The following APLF variants were observed in gnomAD, a reference collection of about 807,000 sequenced individuals.
APLF encodes the protein aprataxin and PNK-like factor.
In APLF, 61 loss-of-function variants were observed where a neutral mutation model predicts 55.6. That is an observed-to-expected ratio of 1.10 (90% confidence interval 0.89 to 1.36). The LOEUF (loss-of-function observed/expected upper bound fraction) is 1.36, where lower values mean the gene tolerates loss of function less well. APLF is among the 40% of genes most tolerant of loss of function. The probability of loss-of-function intolerance (pLI) is 0.00; values close to 1 mark genes in which losing one functional copy is unlikely to be tolerated. For missense variants in APLF, 611 were observed against 602.5 expected (o/e 1.01, Z -0.15); for synonymous variants, 207 against 214.8 (o/e 0.96, Z 0.32).
At chr2:68,576,635 G>C (rs1455160967) in intron 9 of APLF, among the ~76,000 whole-genome samples, 1 of 151,976 alleles carries the variant, frequency 6.6e-6, no homozygotes, top group East Asian at 1.9e-4. Context: ...ATCCTTTCTG[G>C]AATGCGTACT....
In APLF at chr2:68,473,441, A is replaced by G. The variant is rs376732617; in HGVS notation, c.96+5614A>G. 6.5e-3 allele frequency among the ~76,000 whole-genome samples: 995 copies of G among 152,330 alleles called. 7 individuals are homozygous for G. The highest frequency in any genetic ancestry group is 0.023 in the African/African-American group (947 of 41,562). On this transcript the variant is annotated intron_variant, in intron 1 of 9. Transcript: ENST00000303795. The stretch of plus-strand genomic sequence containing the variant: ...TGGTTGCTTTCAAGTTTTAGTGATC[A>G]TGGATAATACAACTACAAACATTTG...
intron 3 of APLF, among the ~76,000 whole-genome samples, chr2:68,512,550 A>G (rs960278111): frequency 9.9e-5 from 15 of 151,832 alleles, no homozygotes; most frequent in African/African-American, 3.4e-4. Flanking sequence ...CATGTCCCAC[A>G]TGTGACCATG....
intron 3 of APLF, among the ~76,000 whole-genome samples, chr2:68,511,925 G>T (rs1445079473): frequency 6.6e-6 from 1 of 151,672 alleles, no homozygotes; most frequent in Non-Finnish European, 1.5e-5. Flanking sequence ...GGCTGCCTTT[G>T]AAGGAGATTA....
At chr2:68,568,986 A>G (rs1671383121) in intron 9 of APLF, among the ~76,000 whole-genome samples, 1 of 152,146 alleles carries the variant, frequency 6.6e-6, no homozygotes, top group Admixed American at 6.6e-5. Flanking sequence ...AGTATTTCAA[A>G]TATTAAATGT....
At chr2:68,493,434 T>C (rs1384612853) in intron 2 of APLF, among the ~76,000 whole-genome samples, 2 of 152,116 alleles carry the variant, frequency 1.3e-5, no homozygotes, top group Admixed American at 6.5e-5. Flanking sequence ...GAAAAACCCT[T>C]ATGACTTTAG....
Position 68,538,183 on chromosome 2 carries a change from C to T in APLF, c.1116C>T (p.Asn372=), listed in dbSNP as rs141787372. ...TDSVLQGSEG[N]KVKRTSCMYG... ...CAGTTCTACAAGGTTCTGAAGGAAA[C>T]AAGGTCAAGAGGACATCCTGCATGT... The change falls in exon 7 of 10, where the codon AAC becomes AAT. Residue 372 remains asparagine (N), a synonymous_variant. Coordinates refer to ENST00000303795, the MANE Select transcript of APLF (RefSeq NM_173545.3). 4 of 1,612,824 alleles carry T rather than the reference C, an allele frequency of 2.5e-6. No homozygotes were observed. The East Asian group carries it at 8.9e-5, about 36-fold the overall frequency.
chr2:68,497,946 A>G (rs899375564), intron 2 of APLF, among the ~76,000 whole-genome samples: 2 of 152,216 alleles, frequency 1.3e-5, no homozygotes, highest in East Asian at 3.8e-4. Context: ...GCTAATAACC[A>G]TGTTTATATT....
chr2:68,570,250 C>T (rs1430583468), intron 9 of APLF, among the ~76,000 whole-genome samples: 1 of 150,594 alleles, frequency 6.6e-6, no homozygotes, highest in African/African-American at 2.4e-5. Context: ...CAAAAGTAAC[C>T]AGTACCAGGA....
At chr2:68,506,975 G>A (rs1325972831) in intron 3 of APLF, among the ~76,000 whole-genome samples, 2 of 151,870 alleles carry the variant, frequency 1.3e-5, no homozygotes, top group Non-Finnish European at 2.9e-5. Context: ...ATAAAGACAT[G>A]CATAGGAATA....
Position 68,513,224 on chromosome 2 carries a change from T to A in APLF, c.486T>A (p.Ser162Arg). Residue 162 changes from serine (S) to arginine (R), a missense_variant, in exon 4 of 10, where the codon AGT becomes AGA. Coordinates refer to ENST00000303795, the MANE Select transcript of APLF (RefSeq NM_173545.3). ...IAKTQMTPTN[S>R]VSFLGENRDC... is the part of the protein sequence containing the mutation. ...AGACCCAGATGACTCCCACAAATAG[T>A]GTGGTGAGAAATTTGATATCTCATC... The A allele has an allele frequency of 6.3e-7, 1 of 1,598,012 alleles. No individual in the cohort carries two copies. Among genetic ancestry groups the A allele is most frequent in the Non-Finnish European group, 8.5e-7 (1 of 1,174,772 alleles).
intron 6 of APLF, among the ~76,000 whole-genome samples, chr2:68,533,676 G>A (rs1407430534): frequency 6.6e-6 from 1 of 152,146 alleles, no homozygotes; most frequent in South Asian, 2.1e-4. Context: ...TGATGGAATG[G>A]CTGGGGGCTG....
intron 8 of APLF, among the ~76,000 whole-genome samples, chr2:68,559,911 C>T (rs1442970210): frequency 2.0e-5 from 3 of 152,104 alleles, no homozygotes; most frequent in Non-Finnish European, 4.4e-5. Flanking sequence ...TACAAGTTCC[C>T]TGACTTCATT....
At chr2:68,519,589 C>G (rs960745583) in intron 5 of APLF, among the ~76,000 whole-genome samples, 1 of 149,728 alleles carries the variant, frequency 6.7e-6, no homozygotes, top group Non-Finnish European at 1.5e-5. Flanking sequence ...TACGATTCCC[C>G]ATTTCCTTCC....
At chr2:68,575,600 G>C (rs999734820) in intron 9 of APLF, among the ~76,000 whole-genome samples, 10 of 151,782 alleles carry the variant, frequency 6.6e-5, no homozygotes, top group African/African-American at 2.2e-4. Context: ...GATCAGAAGT[G>C]GTGGATTTAC....
chr2:68,519,031 G>A (rs192762010), intron 5 of APLF, among the ~76,000 whole-genome samples: 48 of 105,794 alleles, frequency 4.5e-4, no homozygotes, highest in African/African-American at 6.7e-4. Flanking sequence ...TATAATATAT[G>A]ATTAATATAT....
At chr2:68,517,481 ATATT>A (rs1369691018) in intron 5 of APLF, among the ~76,000 whole-genome samples, 1 of 140,200 alleles carries the variant, frequency 7.1e-6, no homozygotes, top group African/African-American at 2.6e-5. Context: ...TTATTACTAT[ATATT>A]AATATATCAA....
chr2:68,543,835 T>C (rs1229514039), intron 7 of APLF, among the ~76,000 whole-genome samples: 1 of 152,174 alleles, frequency 6.6e-6, no homozygotes, highest in Non-Finnish European at 1.5e-5. Context: ...TTCAAAGAAG[T>C]GCATACTAGT....
chr2:68,555,104 C>G (rs537118082), intron 8 of APLF, among the ~76,000 whole-genome samples: 2 of 152,150 alleles, frequency 1.3e-5, no homozygotes, highest in African/African-American at 4.8e-5. Flanking sequence ...ATTGGCAAGC[C>G]ACATGTAGGA....
At chr2:68,472,288 A>G (rs1348314666) in intron 1 of APLF, among the ~76,000 whole-genome samples, 2 of 152,192 alleles carry the variant, frequency 1.3e-5, no homozygotes, top group Non-Finnish European at 2.9e-5. Flanking sequence ...GGAATTCTCT[A>G]TAGAATGTGG....
Sources: allele counts gnomAD v4.1 joint callset (sites outside exome capture counted in the v4.1 genomes callset), GRCh38; gene constraint gnomAD v4.1.1; transcripts MANE v1.5; gene names NCBI Gene and HGNC (gene_info 2026-07-23, HGNC 2026-07-21).